FGGY: variants seen among roughly 807,000 people sequenced by gnomAD.
The protein encoded by FGGY is FGGY carbohydrate kinase domain-containing protein.
FGGY carries 72 observed loss-of-function variants against 71.3 expected under a neutral mutation model. That is an observed-to-expected ratio of 1.01 (90% CI 0.84 to 1.23). The LOEUF (loss-of-function observed/expected upper bound fraction) is 1.23, where lower values mean the gene tolerates loss of function less well. FGGY is among the 50% of genes most tolerant of loss of function. FGGY has a pLI of 0.00. For synonymous variants in FGGY, 251 were observed against 250.3 expected (o/e 1.00, Z -0.02); for missense variants, 668 against 682.3 (o/e 0.98, Z 0.23).
At chr1:59,489,863 T>G (rs2153582321) in intron 6 of FGGY, among the ~76,000 whole-genome samples, 1 of 152,292 alleles carries the variant, frequency 6.6e-6, no homozygotes, top group Admixed American at 6.5e-5. Context: ...TCTCTGCATC[T>G]TCACCAGCAT....
intron 14 of FGGY, chr1:59,755,479 A>G (rs924113499): frequency 3.3e-5 from 5 of 152,256 alleles, no homozygotes; most frequent in African/African-American, 1.2e-4. Context: ...CTGTTGGAGC[A>G]CATAACTCAA....
At chr1:59,444,221 C>A (rs1263197975) in intron 5 of FGGY, among the ~76,000 whole-genome samples, 2 of 152,276 alleles carry the variant, frequency 1.3e-5, no homozygotes, top group African/African-American at 4.8e-5. Context: ...CGGGTCTTTG[C>A]TCCCTTAATG....
chr1:59,707,397 G>A (rs1485916170), intron 14 of FGGY, among the ~76,000 whole-genome samples: 2 of 152,184 alleles, frequency 1.3e-5, no homozygotes, highest in African/African-American at 4.8e-5. Flanking sequence ...CAAGCTGTAG[G>A]AGGAGGGGGA....
At chr1:59,515,199 G>T (rs944175784) in intron 7 of FGGY, among the ~76,000 whole-genome samples, 1 of 152,158 alleles carries the variant, frequency 6.6e-6, no homozygotes, top group African/African-American at 2.4e-5. Flanking sequence ...AGTCAAAGGA[G>T]GTCATTTTGG....
chr1:59,751,379 C>T (rs776706926), intron 14 of FGGY, among the ~76,000 whole-genome samples: 6 of 152,102 alleles, frequency 3.9e-5, no homozygotes, highest in Non-Finnish European at 8.8e-5. Context: ...ACCATATACC[C>T]CCATCAGTTA....
At chr1:59,374,697 A>G (rs376718343) in intron 4 of FGGY, among the ~76,000 whole-genome samples, 1 of 152,142 alleles carries the variant, frequency 6.6e-6, no homozygotes, top group African/African-American at 2.4e-5. Context: ...AATGTGGCAC[A>G]TATACACCAT....
intron 3 of FGGY, among the ~76,000 whole-genome samples, 173 bp from the exon 4 acceptor site, chr1:59,346,074 C>A (rs2051820696): frequency 6.6e-6 from 1 of 152,164 alleles, no homozygotes; most frequent in African/African-American, 2.4e-5. Flanking sequence ...AAATTCCAGG[C>A]CTGGGGACAG....
At chr1:59,703,040 C>T (rs1240965815) in intron 14 of FGGY, among the ~76,000 whole-genome samples, 1 of 152,144 alleles carries the variant, frequency 6.6e-6, no homozygotes, top group African/African-American at 2.4e-5. Context: ...CCTGATGTTG[C>T]CTTTTCTTAT....
At chr1:59,473,693 C>T (rs1434475851) in intron 6 of FGGY, among the ~76,000 whole-genome samples, 1 of 152,136 alleles carries the variant, frequency 6.6e-6, no homozygotes, top group Non-Finnish European at 1.5e-5. Context: ...GAACTTCTAA[C>T]TTTCCTCAAA....
intron 14 of FGGY, among the ~76,000 whole-genome samples, chr1:59,675,533 C>T (rs1039580547): frequency 6.6e-6 from 1 of 152,232 alleles, no homozygotes; most frequent in Non-Finnish European, 1.5e-5. Context: ...TAAATCCACT[C>T]ATGAATTCTT....
chr1:59,621,597 A>G (rs879427834), intron 9 of FGGY, among the ~76,000 whole-genome samples: 10 of 151,406 alleles, frequency 6.6e-5, no homozygotes, highest in Admixed American at 4.0e-4. Flanking sequence ...CTCACTATAG[A>G]ATTCTTGATT....
intron 14 of FGGY, among the ~76,000 whole-genome samples, chr1:59,708,182 G>A (rs2097769357): frequency 6.6e-6 from 1 of 152,192 alleles, no homozygotes; most frequent in Non-Finnish European, 1.5e-5. Context: ...GGACTGCAAT[G>A]TGTTAGAAAT....
intron 4 of FGGY, among the ~76,000 whole-genome samples, chr1:59,358,675 T>C (rs1226019001): frequency 6.6e-6 from 1 of 152,198 alleles, no homozygotes; most frequent in East Asian, 1.9e-4. Flanking sequence ...TGGAATAAGT[T>C]GGGAGATTGT....
At chr1:59,619,394 G>T (rs569143047) in intron 9 of FGGY, among the ~76,000 whole-genome samples, 1 of 152,160 alleles carries the variant, frequency 6.6e-6, no homozygotes, top group Admixed American at 6.6e-5. Context: ...AATAGAGGAG[G>T]TAGCTTGTGA....
intron 4 of FGGY, among the ~76,000 whole-genome samples, chr1:59,360,127 G>GTTATTATTATTA (rs200166794): frequency 0.02 from 2,929 of 145,672 alleles, 41 homozygotes; most frequent in South Asian, 0.034. Context: ...TTCTATCATT[G>GTTATTATTATTA]TTATTATTAT....
intron 2 of FGGY, among the ~76,000 whole-genome samples, chr1:59,330,358 C>G (rs1282955570): frequency 1.3e-5 from 2 of 152,026 alleles, no homozygotes; most frequent in Non-Finnish European, 2.9e-5. Flanking sequence ...ATCATGAGGT[C>G]AGGAGTTTGA....
In FGGY at chr1:59,473,387, A is replaced by G. The variant is rs376038017; in HGVS notation, c.670+16311A>G. On this transcript the variant is annotated intron_variant, in intron 6 of 15. Transcript: ENST00000303721. ...CGAACACATCTGAACATCAGAAGGA[A>G]CAAACTCCGGACACGCCACCTTTAA... Among the ~76,000 whole-genome samples the G allele has an allele frequency of 4.6e-5, 7 of 152,296 alleles. No homozygotes were observed. In the South Asian group the frequency reaches 1.2e-3, roughly 27 times the overall value.
chr1:59,326,858 C>T (rs918368095), intron 2 of FGGY, among the ~76,000 whole-genome samples: 3 of 152,082 alleles, frequency 2.0e-5, no homozygotes, highest in Admixed American at 6.5e-5. Context: ...CAACAAAGCT[C>T]ACATGAATTT....
At chr1:59,741,772 T>TA (rs2098150485) in intron 14 of FGGY, among the ~76,000 whole-genome samples, 2 of 151,584 alleles carry the variant, frequency 1.3e-5, no homozygotes, top group East Asian at 1.9e-4. Context: ...CCATCTCTAC[T>TA]AAAAAAATAC....
Sources: allele counts gnomAD v4.1 joint callset (sites outside exome capture counted in the v4.1 genomes callset), GRCh38; gene constraint gnomAD v4.1.1; transcripts MANE v1.5; gene names NCBI Gene and HGNC (gene_info 2026-07-23, HGNC 2026-07-21).